The following CNTNAP4 variants were observed in gnomAD, a reference collection of about 807,000 sequenced individuals.
CNTNAP4 encodes the protein contactin-associated protein-like 4.
CNTNAP4 carries 98 observed loss-of-function variants against 148.4 expected under a neutral mutation model. That is an observed-to-expected ratio of 0.66 (90% CI 0.56 to 0.78). CNTNAP4 has a LOEUF of 0.78. Ranked by LOEUF, CNTNAP4 falls within the 30% of genes least tolerant of loss-of-function variation. CNTNAP4 has a pLI of 0.00. For synonymous variants in CNTNAP4, 730 were observed against 565.1 expected, an observed-to-expected ratio of 1.29 and a Z score of -4.14; for missense variants, 1,935 against 1,565.6, an observed-to-expected ratio of 1.24 and a Z score of -3.98.
chr16:76,306,854 T>C (rs1960528354), intron 1 of CNTNAP4, among the ~76,000 whole-genome samples: 1 of 152,228 alleles, frequency 6.6e-6, no homozygotes. Context: ...GTTCTTGCAG[T>C]TCTGTTGTGA....
At chr16:76,342,461 A>ATTTCTTTTTT (rs1567776917) in intron 2 of CNTNAP4, among the ~76,000 whole-genome samples, 4 of 132,002 alleles carry the variant, frequency 3.0e-5, no homozygotes, top group Non-Finnish European at 3.2e-5. Flanking sequence ...TAAATTGCTA[A>ATTTCTTTTTT]TTTCTTTTTT....
intron 3 of CNTNAP4, among the ~76,000 whole-genome samples, chr16:76,398,937 G>C (rs751506051): frequency 6.8e-6 from 1 of 147,532 alleles, no homozygotes; most frequent in Non-Finnish European, 1.5e-5. Context: ...CCTGTGTCAA[G>C]GGGGGGTCCA....
At chr16:76,310,688 C>A (rs953357288) in intron 1 of CNTNAP4, among the ~76,000 whole-genome samples, 19 of 152,252 alleles carry the variant, frequency 1.2e-4, no homozygotes, top group African/African-American at 4.6e-4. Flanking sequence ...TTTTATGGGA[C>A]ATACGATTCA....
At chr16:76,528,071 T>C (rs1202295962) in intron 17 of CNTNAP4, among the ~76,000 whole-genome samples, 1 of 152,174 alleles carries the variant, frequency 6.6e-6, no homozygotes, top group Non-Finnish European at 1.5e-5. Flanking sequence ...TATTTTAAAA[T>C]ATAAATATGA....
At chr16:76,310,869 A>G (rs1164189831) in intron 1 of CNTNAP4, among the ~76,000 whole-genome samples, 1 of 152,082 alleles carries the variant, frequency 6.6e-6, no homozygotes, top group Non-Finnish European at 1.5e-5. Context: ...AGAATAGAAG[A>G]TCTGGCACCA....
intron 3 of CNTNAP4, among the ~76,000 whole-genome samples, chr16:76,360,872 A>G (rs980206702): frequency 1.4e-5 from 2 of 140,632 alleles, no homozygotes; most frequent in African/African-American, 5.4e-5. Flanking sequence ...GCTGGAGTGC[A>G]GTGGCACGAT....
rs371586768 is a variant in CNTNAP4 at position 76,452,536 on chromosome 16, C to T, written c.1100C>T (p.Pro367Leu). 6.2e-7 allele frequency: 1 copy of T among 1,613,820 alleles called. No individual in the cohort carries two copies. The highest frequency in any genetic ancestry group is 1.3e-5 in the African/African-American group (1 of 74,904). Residue 367 changes from proline to leucine, a missense_variant, in exon 8 of 24, where the codon CCA becomes CTA. Pro to Leu is a moderately conservative substitution (Grantham distance 98). Coordinates refer to ENST00000611870, the MANE Select transcript of CNTNAP4 (RefSeq NM_033401.5). ...MGNVSFSCSQ[P>L]QSMPVTFLSS... Reference sequence around the variant, plus strand: ...AATGTGTCATTTTCTTGTTCACAACCACAATCTATGCCCGTGACTTTTCTG... The same window carrying T: ...AATGTGTCATTTTCTTGTTCACAACTACAATCTATGCCCGTGACTTTTCTG...
chr16:76,545,896 G>A (rs561171821), intron 21 of CNTNAP4, among the ~76,000 whole-genome samples: 9 of 152,118 alleles, frequency 5.9e-5, no homozygotes, highest in South Asian at 4.2e-4. Flanking sequence ...TTAGCCGGGC[G>A]TGGTAGCATG....
At chr16:76,488,032 G>T (rs2082086816) in intron 12 of CNTNAP4, among the ~76,000 whole-genome samples, 1 of 152,146 alleles carries the variant, frequency 6.6e-6, no homozygotes, top group South Asian at 2.1e-4. Flanking sequence ...AAGAAAAGGT[G>T]AATAGTTTTT....
chr16:76,408,266 GA>G, intron 3 of CNTNAP4, among the ~76,000 whole-genome samples: 1 of 67,458 alleles, frequency 1.5e-5, no homozygotes, highest in Non-Finnish European at 4.7e-5. Context: ...CTGTACCTAT[GA>G]TAAGTAAAGA....
intron 3 of CNTNAP4, among the ~76,000 whole-genome samples, chr16:76,376,305 T>C (rs951551877): frequency 6.6e-6 from 1 of 151,852 alleles, no homozygotes; most frequent in African/African-American, 2.4e-5. Flanking sequence ...GGAAATTTGA[T>C]GTGGAGTGGA....
Position 76,297,993 on chromosome 16 carries a change from C to G in CNTNAP4, c.86-18420C>G, listed in dbSNP as rs557821752. ...CCGTAATCAGAAACCTGAAGAGACC[C>G]TTCTGTTTTTCTGCTATCTTCACCC... is the stretch of plus-strand genomic sequence containing the variant. On this transcript the variant is annotated intron_variant, in intron 1 of 23. Coordinates refer to ENST00000611870, the MANE Select transcript of CNTNAP4 (RefSeq NM_033401.5). Among the ~76,000 whole-genome samples the G allele has an allele frequency of 3.9e-5, 6 of 152,090 alleles. No individual in the cohort carries two copies. The South Asian group carries it at 6.2e-4, about 16-fold the overall frequency.
Position 76,452,620 on chromosome 16 carries a change from C to G in CNTNAP4, c.1184C>G (p.Thr395Ser). The change falls in exon 8 of 24, where the codon ACT becomes AGT. Residue 395 changes from threonine (T) to serine (S), a missense_variant. Thr to Ser is a moderately conservative substitution (Grantham distance 58). Transcript: ENST00000611870. ...TCTGGAGAGGAGGAGGTTTCTGCCA[C>G]TTTTCAATTTCGAACTTGGAATAAG... ...DFSGEEEVSA[T>S]FQFRTWNKAG... is the part of the protein sequence containing the mutation. 6.2e-7 allele frequency: 1 copy of G among 1,613,954 alleles called. No homozygotes were observed. Among genetic ancestry groups the G allele is most frequent in the South Asian group, 1.1e-5 (1 of 91,082 alleles).
chr16:76,365,394 T>C (rs1219810414), intron 3 of CNTNAP4, among the ~76,000 whole-genome samples: 2 of 152,152 alleles, frequency 1.3e-5, no homozygotes, highest in African/African-American at 4.8e-5. Context: ...AAAGTATTTT[T>C]TGCTAATTCT....
intron 8 of CNTNAP4, among the ~76,000 whole-genome samples, chr16:76,460,578 G>T (rs2080905990): frequency 6.9e-6 from 1 of 144,512 alleles, no homozygotes; most frequent in South Asian, 2.2e-4. Context: ...TGGCTAACAC[G>T]GTGAAACCCC....
At chr16:76,434,798 C>T (rs978147505) in intron 4 of CNTNAP4, among the ~76,000 whole-genome samples, 1 of 152,140 alleles carries the variant, frequency 6.6e-6, no homozygotes, top group South Asian at 2.1e-4. Context: ...ATGTCTGTGC[C>T]AATTATGCAT....
intron 8 of CNTNAP4, among the ~76,000 whole-genome samples, chr16:76,459,469 A>T (rs2080858980): frequency 2.0e-5 from 3 of 152,112 alleles, no homozygotes; most frequent in Admixed American, 6.5e-5. Flanking sequence ...CATGGATGTG[A>T]TGTAAAAGTG....
chr16:76,308,910 G>A (rs748219057), intron 1 of CNTNAP4, among the ~76,000 whole-genome samples: 27 of 151,868 alleles, frequency 1.8e-4, no homozygotes, highest in Non-Finnish European at 3.2e-4. Context: ...GGGCAGCCTC[G>A]AACTCCTGGG....
chr16:76,519,522 A>G (rs2083379962), intron 15 of CNTNAP4, among the ~76,000 whole-genome samples: 1 of 152,242 alleles, frequency 6.6e-6, no homozygotes. Context: ...CATAATGTGA[A>G]GCTTATTTTT....
Sources: gnomAD v4.1 joint callset for allele counts (sites outside exome capture counted in the v4.1 genomes callset) on GRCh38, gnomAD v4.1.1 for gene constraint, MANE v1.5 for transcripts, NCBI Gene and HGNC (gene_info 2026-07-23, HGNC 2026-07-21) for gene names.